ANKRD31: variants seen among roughly 807,000 people sequenced by gnomAD.
The protein encoded by ANKRD31 is ankyrin repeat domain-containing protein 31.
In ANKRD31, 147 loss-of-function variants were observed where a neutral mutation model predicts 186.0. The observed-to-expected ratio is 0.79, with a 90% CI of 0.69 to 0.91. ANKRD31 has a LOEUF of 0.91. ANKRD31 is among the 40% of genes least tolerant of loss of function. ANKRD31 has a pLI of 0.00. For missense variants in ANKRD31, 1,986 were observed against 2,148.8 expected (o/e 0.92, Z 1.50); for synonymous variants, 673 against 736.4 (o/e 0.91, Z 1.39).
chr5:75,131,279 G>A (rs750136510), intron 17 of ANKRD31, among the ~76,000 whole-genome samples: 40 of 152,318 alleles, frequency 2.6e-4, no homozygotes, highest in Non-Finnish European at 5.0e-4. Context: ...AGTGGATGCC[G>A]AGGCCGAGGA....
chr5:75,178,763 A>G (rs1262203432), intron 10 of ANKRD31, among the ~76,000 whole-genome samples: 1 of 152,224 alleles, frequency 6.6e-6, no homozygotes, highest in Non-Finnish European at 1.5e-5. Flanking sequence ...ATAGCACTAA[A>G]TGCCCACAAG....
chr5:75,120,976 A>C (rs1748721773), intron 17 of ANKRD31, among the ~76,000 whole-genome samples: 3 of 152,110 alleles, frequency 2.0e-5, no homozygotes, highest in African/African-American at 7.2e-5. Flanking sequence ...TTAGGTCAGG[A>C]GTTTGAGACC....
chr5:75,210,993 C>T lies in ANKRD31; in HGVS notation c.289-128G>A, dbSNP rs1756600889. The T allele has an allele frequency of 8.1e-6, 5 of 617,080 alleles. No individual in the cohort carries two copies. The South Asian group carries it at 1.0e-4, about 13-fold the overall frequency. 38.2% of individuals were successfully genotyped at this position (617,080 alleles called of 1,614,324 possible). A position where few individuals can be genotyped will look rare whatever the true frequency, so the allele number is the denominator to read the frequency against. Reference sequence around the variant, plus strand: ...AGCTTCTTTTTATGGTGGTAAAATACACATAAAATTTACTATCTATTTACT... The same window carrying T: ...AGCTTCTTTTTATGGTGGTAAAATATACATAAAATTTACTATCTATTTACT... On this transcript the variant is annotated intron_variant, in intron 3 of 25. Coordinates refer to ENST00000506364, the MANE Select transcript of ANKRD31 (RefSeq NM_001372053.1).
intron 23 of ANKRD31, among the ~76,000 whole-genome samples, chr5:75,085,760 T>TA (rs1561403641): frequency 6.6e-6 from 1 of 152,090 alleles, no homozygotes; most frequent in East Asian, 1.9e-4. Flanking sequence ...TTTGTGTTTG[T>TA]AAAAAAAGTG....
At chr5:75,219,485 A>C (rs1204929951) in intron 3 of ANKRD31, among the ~76,000 whole-genome samples, 2 of 152,192 alleles carry the variant, frequency 1.3e-5, no homozygotes, top group African/African-American at 4.8e-5. Flanking sequence ...TACAATGATA[A>C]TTATAAAACA....
intron 22 of ANKRD31, among the ~76,000 whole-genome samples, chr5:75,097,378 T>A (rs1746416316): frequency 1.3e-5 from 2 of 152,250 alleles, no homozygotes; most frequent in African/African-American, 4.8e-5. Context: ...GGTATCTCAT[T>A]GTAGTTTTGA....
chr5:75,089,692 T>C (rs917374144), intron 23 of ANKRD31, among the ~76,000 whole-genome samples: 2 of 152,230 alleles, frequency 1.3e-5, no homozygotes, highest in African/African-American at 4.8e-5. Context: ...TCCGTTTTCA[T>C]TTTTTTGATA....
chr5:75,106,059 A>G (rs1747308551), intron 21 of ANKRD31, among the ~76,000 whole-genome samples: 1 of 152,152 alleles, frequency 6.6e-6, no homozygotes, highest in South Asian at 2.1e-4. Flanking sequence ...TTTTGTGTAT[A>G]TGAATATCTA....
chr5:75,075,066 A>T (rs919309181), intron 25 of ANKRD31, among the ~76,000 whole-genome samples: 1 of 152,208 alleles, frequency 6.6e-6, no homozygotes, highest in Admixed American at 6.5e-5. Flanking sequence ...AATAAGTAAA[A>T]TGTATTATGA....
intron 10 of ANKRD31, among the ~76,000 whole-genome samples, chr5:75,170,012 T>G (rs1052896434): frequency 1.3e-5 from 2 of 152,148 alleles, no homozygotes; most frequent in Non-Finnish European, 2.9e-5. Context: ...TCTCCTATAG[T>G]ATTATTACTG....
chr5:75,213,065 T>C (rs1756747666), intron 3 of ANKRD31, among the ~76,000 whole-genome samples: 1 of 152,178 alleles, frequency 6.6e-6, no homozygotes, highest in Non-Finnish European at 1.5e-5. Context: ...CAGTATTATA[T>C]ACTGATAATG....
In ANKRD31 at chr5:75,107,586, T is replaced by G. The variant is rs764171416; in HGVS notation, c.4275A>C (p.Lys1425Asn). Residue 1425 changes from lysine to asparagine, a missense_variant, in exon 21 of 26, where the codon AAA becomes AAC. Physicochemically the swap from Lys to Asn is moderately conservative, Grantham distance 94. Coordinates refer to ENST00000506364, the MANE Select transcript of ANKRD31 (RefSeq NM_001372053.1). ...EQYIEKMLKI[K>N]KIMDNVLAKQ... is the part of the protein sequence containing the mutation. Reference sequence around the variant, plus strand: ...TGGCAAGCACATTATCCATAATCTTTTTTATCTTTAACATCTTTTCAATGT... The same window carrying G: ...TGGCAAGCACATTATCCATAATCTTGTTTATCTTTAACATCTTTTCAATGT... 2 of 1,531,538 alleles carry G rather than the reference T, an allele frequency of 1.3e-6. No individual in the cohort carries two copies. Among genetic ancestry groups the G allele is most frequent in the South Asian group, 2.4e-5 (2 of 83,006 alleles). 94.9% of individuals were successfully genotyped at this position (1,531,538 alleles called of 1,614,324 possible). A position where few individuals can be genotyped will look rare whatever the true frequency, so the allele number is the denominator to read the frequency against.
At position 75,147,206 on chromosome 5, in the gene ANKRD31, A is replaced by G. The variant is rs1431438558; in HGVS notation, c.2205T>C (p.His735=). The part of the protein sequence containing the change: ...PKGIGRRKTQ[H]KRTQVDDVDC... The stretch of plus-strand genomic sequence containing the variant: ...CTACATCATCTACTTGGGTCCTTTT[A>G]TGTTGTGTTTTTCTTCTTCCTATAC... The change falls in exon 14 of 26, where the codon CAT becomes CAC. Residue 735 remains histidine (H), a synonymous_variant. Coordinates refer to ENST00000506364, the MANE Select transcript of ANKRD31 (RefSeq NM_001372053.1). 5.9e-6 allele frequency: 9 copies of G among 1,536,084 alleles called. No homozygotes were observed. The South Asian group carries it at 1.1e-4, about 18-fold the overall frequency.
At chr5:75,129,472 T>C (rs546051259) in intron 17 of ANKRD31, among the ~76,000 whole-genome samples, 2 of 152,238 alleles carry the variant, frequency 1.3e-5, no homozygotes, top group East Asian at 3.9e-4. Flanking sequence ...AGTAATAACA[T>C]CCTCCACATG....
At chr5:75,171,864 C>G (rs1025435753) in intron 10 of ANKRD31, among the ~76,000 whole-genome samples, 7 of 150,508 alleles carry the variant, frequency 4.7e-5, no homozygotes, top group African/African-American at 1.7e-4. Flanking sequence ...AAAAAAAAAA[C>G]TTAAATGTTA....
chr5:75,214,080 T>TA (rs1358642365), intron 3 of ANKRD31, among the ~76,000 whole-genome samples: 1 of 152,234 alleles, frequency 6.6e-6, no homozygotes, highest in Non-Finnish European at 1.5e-5. Flanking sequence ...TGGTCATGTA[T>TA]ATAGATATTT....
intron 17 of ANKRD31, among the ~76,000 whole-genome samples, chr5:75,126,242 G>A (rs1203449148): frequency 6.6e-6 from 1 of 152,138 alleles, no homozygotes; most frequent in African/African-American, 2.4e-5. Context: ...AGGAGTTCGA[G>A]ACCAGCCTGG....
intron 2 of ANKRD31, among the ~76,000 whole-genome samples, chr5:75,223,213 CAT>C (rs917471363): frequency 1.3e-5 from 2 of 152,156 alleles, no homozygotes; most frequent in Admixed American, 6.5e-5. Flanking sequence ...AGCTTTTTTT[CAT>C]ATGTTTGTGG....
chr5:75,084,424 G>C, intron 23 of ANKRD31, 50 bp from the exon 24 acceptor site: 1 of 1,243,210 alleles, frequency 8.0e-7, no homozygotes, highest in Non-Finnish European at 1.1e-6. Flanking sequence ...CTGTAAGAAG[G>C]AAATACACCT....
Sources: allele counts gnomAD v4.1 joint callset (sites outside exome capture counted in the v4.1 genomes callset), GRCh38; gene constraint gnomAD v4.1.1; transcripts MANE v1.5; gene names NCBI Gene and HGNC (gene_info 2026-07-23, HGNC 2026-07-21).